Variants in TJP1 observed in about 807,000 individuals in gnomAD.
TJP1 encodes the protein tight junction protein ZO-1.
TJP1 carries 43 observed loss-of-function variants against 194.2 expected under a neutral mutation model. That is an observed-to-expected ratio of 0.22 (90% CI 0.17 to 0.29). TJP1 has a LOEUF of 0.29. Among genes scored for constraint, TJP1 ranks in the 10% least tolerant of loss-of-function variants. The pLI is 1.00. For synonymous variants in TJP1, 801 were observed against 779.0 expected (o/e 1.03, Z -0.47); for missense variants, 1,971 against 2,185.7 (o/e 0.90, Z 1.96).
At chr15:29,745,326 A>C (rs2044698294) in intron 8 of TJP1, among the ~76,000 whole-genome samples, 1 of 150,968 alleles carries the variant, frequency 6.6e-6, no homozygotes, top group Admixed American at 6.6e-5. Flanking sequence ...AACTTAATGA[A>C]TATTAAAGAC....
intron 18 of TJP1, among the ~76,000 whole-genome samples, chr15:29,725,786 T>C (rs1411578407): frequency 6.6e-6 from 1 of 152,206 alleles, no homozygotes; most frequent in African/African-American, 2.4e-5. Flanking sequence ...TCTCCCAGTA[T>C]GTTGTGAGAA....
intron 2 of TJP1, among the ~76,000 whole-genome samples, chr15:29,954,868 C>G (rs2055880236): frequency 6.6e-6 from 1 of 152,048 alleles, no homozygotes; most frequent in Non-Finnish European, 1.5e-5. Context: ...ATCACAAGGT[C>G]AGTAGTTTGA....
chr15:29,762,852 A>C (rs994443158), intron 5 of TJP1, among the ~76,000 whole-genome samples: 1 of 152,210 alleles, frequency 6.6e-6, no homozygotes, highest in Admixed American at 6.5e-5. Context: ...CTCCTGCCTC[A>C]GGCTCCAGAG....
intron 10 of TJP1, chr15:29,740,961 T>G (rs2151333699): frequency 5.0e-6 from 1 of 201,474 alleles, no homozygotes; most frequent in Middle Eastern, 2.1e-3. Context: ...CAACAAATGC[T>G]TACCTGGCCC....
chr15:29,935,310 C>T (rs1482875345), intron 2 of TJP1, among the ~76,000 whole-genome samples: 1 of 152,214 alleles, frequency 6.6e-6, no homozygotes, highest in Non-Finnish European at 1.5e-5. Flanking sequence ...ACCTTCTAAA[C>T]TTTGTATTCA....
At chr15:29,846,697 G>A (rs1300320119) in intron 2 of TJP1, among the ~76,000 whole-genome samples, 4 of 152,032 alleles carry the variant, frequency 2.6e-5, no homozygotes, top group African/African-American at 7.2e-5. Context: ...AGGCCGAGGC[G>A]GGCGGATCAC....
At chr15:29,913,280 T>G (rs1291539092) in intron 2 of TJP1, among the ~76,000 whole-genome samples, 1 of 152,170 alleles carries the variant, frequency 6.6e-6, no homozygotes, top group Non-Finnish European at 1.5e-5. Flanking sequence ...GTTAGTAAAG[T>G]GTTTAGACAA....
At position 29,709,000 on chromosome 15, in the gene TJP1, A is replaced by G; in HGVS notation, c.4409T>C (p.Val1470Ala). 6.2e-7 allele frequency: 1 copy of G among 1,612,412 alleles called. No individual in the cohort carries two copies. Among genetic ancestry groups the G allele is most frequent in the Non-Finnish European group, 8.5e-7 (1 of 1,179,286 alleles). ...AGATGGAGGTGGGTCTGGTTTGGAC[A>G]CTAAGGAATTCTGAAAATCCAATGA... is the stretch of plus-strand genomic sequence containing the variant. ...SVSLDFQNSL[V>A]SKPDPPPSQN... The change falls in exon 25 of 28, where the codon GTG becomes GCG. Residue 1470 changes from valine to alanine, a missense_variant. Physicochemically the swap from Val to Ala is moderately conservative, Grantham distance 64. Around this residue, in one of 5 missense-constraint regions of TJP1, gnomAD observed 1,108 missense variants for 1,128.5 expected, o/e 0.98. Transcript: ENST00000614355.
At chr15:29,873,245 T>C (rs1034502360) in intron 2 of TJP1, among the ~76,000 whole-genome samples, 1 of 152,228 alleles carries the variant, frequency 6.6e-6, no homozygotes, top group African/African-American at 2.4e-5. Context: ...GAATTTCTTA[T>C]TAAATAGACA....
chr15:29,960,093 A>G (rs1454907508), intron 1 of TJP1, among the ~76,000 whole-genome samples: 1 of 152,234 alleles, frequency 6.6e-6, no homozygotes, highest in Non-Finnish European at 1.5e-5. Context: ...ATATAAATAA[A>G]TAAATCTGTC....
chr15:29,928,441 T>TA (rs5811590), intron 2 of TJP1, among the ~76,000 whole-genome samples: 36,766 of 152,076 alleles, frequency 0.24, 4,587 homozygotes, highest in East Asian at 0.35. Flanking sequence ...ATAAATTGTT[T>TA]AAGCCATTTT....
chr15:29,778,856 CTGTACATGTGCTGGGGCACA>C (rs2047178244), intron 2 of TJP1, among the ~76,000 whole-genome samples: 1 of 152,136 alleles, frequency 6.6e-6, no homozygotes, highest in Non-Finnish European at 1.5e-5. Flanking sequence ...GTGGTCCATC[CTGTACATGTGCTGGGGCACA>C]TGTACACACT....
rs889923587 is a variant in TJP1 at position 29,801,676 on chromosome 15, T to TG, written c.28-975dup. On this transcript the variant is annotated intron_variant, in intron 1 of 27. Transcript: ENST00000614355. Reference sequence around the variant, plus strand: ...CGGGGTTTCACCGTTTTAGCCGGGATGGTCTCGATCTCCTGACCTCCTGAT... The same window carrying TG: ...CGGGGTTTCACCGTTTTAGCCGGGATGGGTCTCGATCTCCTGACCTCCTGAT... 1.5e-3 allele frequency among the ~76,000 whole-genome samples: 233 copies of TG among 151,670 alleles called. 1 individual carries two copies. Among genetic ancestry groups the TG allele is most frequent in the African/African-American group, 5.4e-3 (222 of 41,374 alleles).
intron 2 of TJP1, among the ~76,000 whole-genome samples, chr15:29,841,115 T>A (rs2051209601): frequency 6.6e-6 from 1 of 151,870 alleles, no homozygotes; most frequent in Non-Finnish European, 1.5e-5. Flanking sequence ...CACAAGAAGG[T>A]GGAATGTGAC....
intron 2 of TJP1, among the ~76,000 whole-genome samples, chr15:29,949,120 A>C (rs1342603912): frequency 1.9e-5 from 2 of 107,850 alleles, no homozygotes; most frequent in African/African-American, 3.6e-5. Flanking sequence ...CCACCTCTAC[A>C]ACCACCACCT....
intron 1 of TJP1, chr15:29,968,641 G>A: frequency 9.8e-7 from 1 of 1,024,140 alleles, no homozygotes; most frequent in South Asian, 3.2e-5. Context: ...CCCGGCTGGG[G>A]CTCCGCGCCC....
chr15:29,711,450 C>G, intron 23 of TJP1, among the ~76,000 whole-genome samples: 1 of 152,176 alleles, frequency 6.6e-6, no homozygotes, highest in Non-Finnish European at 1.5e-5. Flanking sequence ...ACCACAACCT[C>G]TGCCTCCCAG....
At chr15:29,718,206 G>C in intron 21 of TJP1, 60 bp downstream of exon 21, 1 of 1,592,818 alleles carries the variant, frequency 6.3e-7, no homozygotes, top group Non-Finnish European at 8.5e-7. Context: ...GCGGAGGGGA[G>C]AGCCAAGAAG....
chr15:29,963,253 T>C (rs2152323539), intron 1 of TJP1, among the ~76,000 whole-genome samples: 1 of 152,298 alleles, frequency 6.6e-6, no homozygotes, highest in South Asian at 2.1e-4. Flanking sequence ...AGAAACAACC[T>C]TCTATCGGGC....
Sources: gnomAD v4.1 joint callset for allele counts (sites outside exome capture counted in the v4.1 genomes callset) on GRCh38, gnomAD v4.1.1 for gene constraint, gnomAD v4.1.1 regional missense constraint, MANE v1.5 for transcripts, NCBI Gene and HGNC (gene_info 2026-07-23, HGNC 2026-07-21) for gene names.